The following RNF145 variants were observed in gnomAD, a reference collection of about 807,000 sequenced individuals.
The protein encoded by RNF145 is ring finger protein 145.
Under a neutral mutation model 57.3 loss-of-function variants are expected in RNF145, and 12 were observed. That is an observed-to-expected ratio of 0.21 (90% CI 0.13 to 0.34). RNF145 has a LOEUF of 0.34. Ranked by LOEUF, RNF145 falls within the 10% of genes least tolerant of loss-of-function variation. The pLI is 1.00. For synonymous variants in RNF145, 262 were observed against 288.3 expected, an observed-to-expected ratio of 0.91 and a Z score of 0.92; for missense variants, 429 against 799.0, an observed-to-expected ratio of 0.54 and a Z score of 5.58.
intron 1 of RNF145, among the ~76,000 whole-genome samples, chr5:159,206,058 C>T (rs1785869835): frequency 6.6e-6 from 1 of 152,086 alleles, no homozygotes; most frequent in Non-Finnish European, 1.5e-5. Context: ...TATTTCCACC[C>T]ACCACTCCTG....
intron 5 of RNF145, among the ~76,000 whole-genome samples, chr5:159,175,698 G>C (rs1192851562): frequency 6.6e-6 from 1 of 152,070 alleles, no homozygotes; most frequent in Non-Finnish European, 1.5e-5. Flanking sequence ...GTTAATCACT[G>C]TGTAAGACGA....
chr5:159,174,288 C>T (rs943029182), intron 5 of RNF145, 130 bp from the exon 6 acceptor site: 1 of 649,428 alleles, frequency 1.5e-6, no homozygotes, highest in African/African-American at 1.8e-5. Context: ...AGCTAAATTC[C>T]TTTAAAGTTA....
intron 4 of RNF145, among the ~76,000 whole-genome samples, chr5:159,180,266 T>C (rs1311038448): frequency 6.6e-6 from 1 of 152,098 alleles, no homozygotes; most frequent in Non-Finnish European, 1.5e-5. Context: ...TGTGGCTCTC[T>C]CACCTGCAGC....
intron 8 of RNF145, among the ~76,000 whole-genome samples, chr5:159,167,971 G>A (rs190064589): frequency 7.2e-4 from 110 of 152,128 alleles, no homozygotes; most frequent in South Asian, 1.2e-3. Flanking sequence ...AAAGGCTACC[G>A]AAGAAGCAAT....
intron 2 of RNF145, among the ~76,000 whole-genome samples, chr5:159,202,620 T>C (rs1402604230): frequency 6.6e-6 from 1 of 152,162 alleles, no homozygotes; most frequent in African/African-American, 2.4e-5. Flanking sequence ...CATGACTTTA[T>C]AAAAGATATA....
At chr5:159,164,613 A>G (rs1455168932) in intron 8 of RNF145, among the ~76,000 whole-genome samples, 1 of 152,206 alleles carries the variant, frequency 6.6e-6, no homozygotes, top group African/African-American at 2.4e-5. Flanking sequence ...AAATAGTTAA[A>G]ATTAAATAAA....
chr5:159,174,170 C>A lies in RNF145; in HGVS notation c.622-12G>T. The A allele has an allele frequency of 6.4e-7, 1 of 1,574,742 alleles. No homozygotes were observed. The highest frequency in any genetic ancestry group is 8.6e-7 in the Non-Finnish European group (1 of 1,161,384). ...TATACCTCCACTACCTAAATAAAAA[C>A]GTAAGATAGGAAAACTTCTTGCATC... is the stretch of plus-strand genomic sequence containing the variant. On this transcript the variant is annotated splice_polypyrimidine_tract_variant and intron_variant, in intron 5 of 10. Coordinates refer to ENST00000424310, the MANE Select transcript of RNF145 (RefSeq NM_001199383.2).
intron 1 of RNF145, among the ~76,000 whole-genome samples, chr5:159,205,748 C>T (rs1334840507): frequency 6.6e-6 from 1 of 152,118 alleles, no homozygotes; most frequent in Non-Finnish European, 1.5e-5. Context: ...TAAATCATTA[C>T]TCTGTTTTTA....
chr5:159,161,093 G>A, intron 10 of RNF145, 173 bp downstream of exon 10: 3 of 532,468 alleles, frequency 5.6e-6, no homozygotes, highest in East Asian at 6.2e-5. Context: ...ACTTAATTTA[G>A]AAATAAAATG....
At position 159,169,053 on chromosome 5, in the gene RNF145, C is replaced by T; in HGVS notation, c.941G>A (p.Gly314Asp). The change falls in exon 8 of 11, where the codon GGC becomes GAC. Residue 314 changes from glycine to aspartate, a missense_variant and splice_region_variant. Gly to Asp is a moderately conservative substitution (Grantham distance 94, BLOSUM62 -1). Transcript: ENST00000424310. ...AFMNDPAMNR[G>D]MTEGVTLLIL... ...TAACAGCGTTACTCCTTCTGTCATG[C>T]CCCTAAAAAAAGCATACATTTTCAG... 2 of 1,538,950 alleles carry T rather than the reference C, an allele frequency of 1.3e-6. No individual in the cohort carries two copies.
intron 3 of RNF145, among the ~76,000 whole-genome samples, chr5:159,185,103 T>A (rs1785016227): frequency 2.6e-5 from 4 of 152,180 alleles, no homozygotes; most frequent in East Asian, 1.9e-4. Flanking sequence ...AAAATTAGTA[T>A]CATCCCTAGG....
chr5:159,193,373 T>C (rs749789648), intron 3 of RNF145, among the ~76,000 whole-genome samples: 8 of 152,016 alleles, frequency 5.3e-5, no homozygotes, highest in Non-Finnish European at 5.9e-5. Context: ...ATTTTGAGCA[T>C]AGAAAATCAA....
intron 9 of RNF145, among the ~76,000 whole-genome samples, chr5:159,162,255 C>A (rs1427706372): frequency 6.6e-6 from 1 of 152,088 alleles, no homozygotes; most frequent in Non-Finnish European, 1.5e-5. Context: ...AAAAAACACA[C>A]TCCAAATAAG....
intron 6 of RNF145, among the ~76,000 whole-genome samples, chr5:159,170,726 CTAAGACCG>C (rs1784522118): frequency 6.6e-6 from 1 of 152,174 alleles, no homozygotes; most frequent in South Asian, 2.1e-4. Flanking sequence ...TCCCAAGTAG[CTAAGACCG>C]TAAGAGCGTG....
At chr5:159,164,590 T>C (rs1784333763) in intron 8 of RNF145, among the ~76,000 whole-genome samples, 2 of 152,234 alleles carry the variant, frequency 1.3e-5, no homozygotes, top group South Asian at 2.1e-4. Flanking sequence ...GACACACATA[T>C]ATGTCCTTAT....
At chr5:159,183,817 G>C (rs774645191) in intron 3 of RNF145, among the ~76,000 whole-genome samples, 3 of 152,156 alleles carry the variant, frequency 2.0e-5, no homozygotes, top group Non-Finnish European at 2.9e-5. Context: ...GTGGTTGCCA[G>C]GGGCTGGGGA....
At chr5:159,208,198 AGC>A in intron 1 of RNF145, 1 of 1,338,682 alleles carries the variant, frequency 7.5e-7, no homozygotes, top group South Asian at 1.6e-5. Flanking sequence ...GCAAGCAGGC[AGC>A]GCAGCAGCAG....
rs1784111891 is a variant in RNF145 at position 159,158,517 on chromosome 5, G to A, written c.*153C>T. The A allele has an allele frequency of 1.1e-6, 1 of 908,824 alleles. No homozygotes were observed. Among genetic ancestry groups the A allele is most frequent in the Admixed American group, 2.6e-5 (1 of 38,904 alleles). The allele number at this position is 908,824 out of a possible 1,614,324, so 56.3% of individuals were successfully genotyped here. A position where few individuals can be genotyped will look rare whatever the true frequency, so the allele number is the denominator to read the frequency against. On this transcript the variant is annotated 3_prime_UTR_variant, in exon 11 of 11. Coordinates refer to ENST00000424310, the MANE Select transcript of RNF145 (RefSeq NM_001199383.2). Reference sequence around the variant, plus strand: ...ACAATGTCAGGGGATGAAAGCAGGTGGTCCCCACTGAGAGTACTTCCTGGA... The same window carrying A: ...ACAATGTCAGGGGATGAAAGCAGGTAGTCCCCACTGAGAGTACTTCCTGGA...
chr5:159,176,563 T>C (rs1473247), intron 5 of RNF145, 69 bp downstream of exon 5: 297,630 of 927,510 alleles, frequency 0.32, 54,818 homozygotes, highest in African/African-American at 0.67. Context: ...AAAAATGAAC[T>C]ATAACTTTAA....
Sources: gnomAD v4.1 joint callset for allele counts (sites outside exome capture counted in the v4.1 genomes callset) on GRCh38, gnomAD v4.1.1 for gene constraint, MANE v1.5 for transcripts, NCBI Gene and HGNC (gene_info 2026-07-23, HGNC 2026-07-21) for gene names.